Variants in UBR1 observed in about 807,000 individuals in gnomAD.
The protein encoded by UBR1 is ubiquitin protein ligase E3 component n-recognin 1.
A neutral mutation model predicts 242.1 loss-of-function variants in UBR1; 102 were observed. That is an observed-to-expected ratio of 0.42 (90% CI 0.36 to 0.50). The LOEUF is 0.50. UBR1 is among the 20% of genes least tolerant of loss of function. UBR1 has a pLI of 0.01. For synonymous variants in UBR1, 675 were observed against 684.8 expected (o/e 0.99, Z 0.22); for missense variants, 1,772 against 2,101.8 (o/e 0.84, Z 3.07).
Position 42,977,623 on chromosome 15 carries a change from T to C in UBR1, c.4218+257A>G, listed in dbSNP as rs571841219. On this transcript the variant is annotated intron_variant, in intron 38 of 46. Coordinates refer to ENST00000290650, the MANE Select transcript of UBR1 (RefSeq NM_174916.3). ...CATAATATGAATTAGAAAAGGCTTG[T>C]CTGTACAGACACCCACTAATGTAAT... Among the ~76,000 whole-genome samples, 94 of 151,440 alleles carry C rather than the reference T, an allele frequency of 6.2e-4. No individual in the cohort carries two copies. The highest frequency in any genetic ancestry group is 3.5e-3 in the Middle Eastern group (1 of 286).
chr15:43,102,010 C>G (rs2034243394), intron 1 of UBR1, among the ~76,000 whole-genome samples: 1 of 142,672 alleles, frequency 7.0e-6, no homozygotes, highest in African/African-American at 2.6e-5. Context: ...CATGGTGGTG[C>G]ATGCCTGTAA....
chr15:43,064,571 T>C (rs1422866068), intron 6 of UBR1, among the ~76,000 whole-genome samples: 1 of 151,100 alleles, frequency 6.6e-6, no homozygotes, highest in Non-Finnish European at 1.5e-5. Flanking sequence ...ATTTCCTATC[T>C]TACATCTTTT....
chr15:43,069,351 A>G (rs528580306), intron 5 of UBR1, among the ~76,000 whole-genome samples: 1 of 150,228 alleles, frequency 6.7e-6, no homozygotes, highest in South Asian at 2.1e-4. Flanking sequence ...ATCTCGGCTC[A>G]CTGCAAGCTC....
At chr15:43,041,837 A>G (rs1199295109) in intron 15 of UBR1, among the ~76,000 whole-genome samples, 1 of 152,156 alleles carries the variant, frequency 6.6e-6, no homozygotes, top group East Asian at 1.9e-4. Flanking sequence ...TGAACAGCAA[A>G]ATTAAACCAG....
chr15:42,972,784 T>G (rs1389342591), intron 39 of UBR1, among the ~76,000 whole-genome samples: 1 of 152,238 alleles, frequency 6.6e-6, no homozygotes, highest in Non-Finnish European at 1.5e-5. Flanking sequence ...GTTTTGGCAA[T>G]TATGAATAAA....
At chr15:43,097,303 T>C (rs2034173285) in intron 1 of UBR1, among the ~76,000 whole-genome samples, 1 of 152,350 alleles carries the variant, frequency 6.6e-6, no homozygotes, top group Middle Eastern at 3.4e-3. Context: ...ACAGATGTAC[T>C]GTCATCCAGG....
At chr15:43,055,035 T>C in intron 11 of UBR1, 136 bp from the exon 12 acceptor site, 1 of 1,056,504 alleles carries the variant, frequency 9.5e-7, no homozygotes, top group Non-Finnish European at 1.4e-6. Context: ...AGTCCTTAGT[T>C]TCACTGAATA....
chr15:43,015,547 T>C (rs2033008641), intron 29 of UBR1, 141 bp downstream of exon 29: 2 of 918,226 alleles, frequency 2.2e-6, no homozygotes, highest in Non-Finnish European at 3.4e-6. Flanking sequence ...CCAAAGACCT[T>C]TGTTCACTTG....
At position 43,068,001 on chromosome 15, in the gene UBR1, T is replaced by C; in HGVS notation, c.695A>G (p.Asn232Ser). 7 of 1,611,332 alleles carry C rather than the reference T, an allele frequency of 4.3e-6. No individual in the cohort carries two copies. Among genetic ancestry groups the C allele is most frequent in the South Asian group, 1.1e-5 (1 of 91,018 alleles). Residue 232 changes from asparagine (N) to serine (S), a missense_variant, in exon 6 of 47, where the codon AAT (asparagine) becomes AGT (serine). By Grantham distance (46) the Asn-to-Ser change is conservative. Transcript: ENST00000290650. ...GTGGTCATATGAATGGTGTTCATCATTGAAAAGGACACAATAGTATCTTTC... is the reference window on the plus strand; with the variant it reads ...GTGGTCATATGAATGGTGTTCATCACTGAAAAGGACACAATAGTATCTTTC... ...KNERYYCVLF[N>S]DEHHSYDHVI...
intron 1 of UBR1, among the ~76,000 whole-genome samples, chr15:43,101,051 G>C (rs906751794): frequency 9.2e-5 from 14 of 152,204 alleles, no homozygotes; most frequent in African/African-American, 3.4e-4. Flanking sequence ...AGAAAAAGCA[G>C]AGGAAGAACA....
intron 3 of UBR1, among the ~76,000 whole-genome samples, chr15:43,079,072 G>A (rs950179427): frequency 3.6e-4 from 55 of 152,264 alleles, no homozygotes; most frequent in African/African-American, 1.3e-3. Context: ...GTAAAAAGTA[G>A]GATCAGAGAG....
Position 42,988,975 on chromosome 15 carries a change from TAAA to T in UBR1, c.3849-11_3849-9del. 1 of 1,590,182 alleles carries T rather than the reference TAAA, an allele frequency of 6.3e-7. No homozygotes were observed. The highest frequency in any genetic ancestry group is 8.6e-7 in the Non-Finnish European group (1 of 1,159,046). ...CTATTTGAATATTTAATCCTATAAA[TAAA>T]ACAAGAAAATTTGTATGATTTAGTA... is the stretch of plus-strand genomic sequence containing the variant. On this transcript the variant is annotated splice_polypyrimidine_tract_variant and intron_variant, in intron 34 of 46. Transcript: ENST00000290650.
intron 32 of UBR1, among the ~76,000 whole-genome samples, chr15:43,000,725 T>A (rs760216573): frequency 2.1e-4 from 32 of 152,246 alleles, no homozygotes; most frequent in Admixed American, 3.3e-4. Flanking sequence ...ATATATTAAT[T>A]ACTCAAATCA....
intron 3 of UBR1, among the ~76,000 whole-genome samples, chr15:43,076,746 G>A (rs1165378139): frequency 2.7e-4 from 38 of 143,386 alleles, no homozygotes; most frequent in African/African-American, 9.6e-4. Context: ...GTCTCCGCCT[G>A]GCAGCCACCG....
chr15:43,069,956 A>T (rs947759112), intron 5 of UBR1, among the ~76,000 whole-genome samples: 1 of 152,230 alleles, frequency 6.6e-6, no homozygotes, highest in Non-Finnish European at 1.5e-5. Context: ...AGTGGTTTTT[A>T]GCCTAATAAG....
At chr15:43,014,365 C>T (rs1301447258) in intron 29 of UBR1, among the ~76,000 whole-genome samples, 1 of 150,658 alleles carries the variant, frequency 6.6e-6, no homozygotes, top group African/African-American at 2.4e-5. Context: ...GTGAGGAGCC[C>T]CTCTGCCTGG....
chr15:42,947,498 C>G (rs1487591831), intron 46 of UBR1, among the ~76,000 whole-genome samples: 1 of 152,038 alleles, frequency 6.6e-6, no homozygotes, highest in African/African-American at 2.4e-5. Context: ...CAAATTGTCC[C>G]TGTTTGCAGA....
At chr15:43,066,927 A>T (rs1454063972) in intron 6 of UBR1, among the ~76,000 whole-genome samples, 1 of 152,154 alleles carries the variant, frequency 6.6e-6, no homozygotes, top group African/African-American at 2.4e-5. Context: ...CCTGGCCCCT[A>T]GAATCTGCAT....
chr15:43,042,017 GA>G (rs769831982), intron 15 of UBR1, among the ~76,000 whole-genome samples: 5 of 151,996 alleles, frequency 3.3e-5, no homozygotes, highest in East Asian at 3.9e-4. Context: ...ATCTGGGGGG[GA>G]AAAAAGGAGA....
Sources: allele counts gnomAD v4.1 joint callset (sites outside exome capture counted in the v4.1 genomes callset), GRCh38; gene constraint gnomAD v4.1.1; transcripts MANE v1.5; gene names NCBI Gene and HGNC (gene_info 2026-07-23, HGNC 2026-07-21).